The following ZSCAN18 variants were observed in gnomAD, a reference collection of about 807,000 sequenced individuals.
The protein encoded by ZSCAN18 is zinc finger and SCAN domain-containing protein 18.
A neutral mutation model predicts 31.1 loss-of-function variants in ZSCAN18; 16 were observed. That is an observed-to-expected ratio of 0.51 (90% confidence interval 0.35 to 0.78). ZSCAN18 has a LOEUF of 0.78. Among genes scored for constraint, ZSCAN18 ranks in the 30% least tolerant of loss-of-function variants. The pLI, the probability that ZSCAN18 is intolerant of heterozygous loss-of-function variation, is 0.01. For synonymous variants in ZSCAN18, 375 were observed against 320.7 expected (o/e 1.17, Z -1.81); for missense variants, 731 against 697.4 (o/e 1.05, Z -0.54).
At chr19:58,098,152 T>G (rs2074556944) in intron 1 of ZSCAN18, 22 bp downstream of exon 1, 1 of 985,416 alleles carries the variant, frequency 1.0e-6, no homozygotes, top group African/African-American at 1.7e-5. Context: ...ACCCCCGCGC[T>G]GCATCCCCGG....
At chr19:58,112,506 C>CCAGGTG (rs2074691822) in intron 1 of ZSCAN18, among the ~76,000 whole-genome samples, 1 of 151,956 alleles carries the variant, frequency 6.6e-6, no homozygotes, top group African/African-American at 2.4e-5. Context: ...AAAAAATTAG[C>CCAGGTG]TGGGCGTGCT....
intron 5 of ZSCAN18, 44 bp downstream of exon 5, chr19:58,086,862 G>A (rs373116234): frequency 8.7e-6 from 13 of 1,492,746 alleles, no homozygotes; most frequent in Non-Finnish European, 1.0e-5. Flanking sequence ...CCCTGCGGAA[G>A]GGGATGGGGA....
rs2074658691 is a variant in ZSCAN18 at position 58,109,113 on chromosome 19, T to A, written c.130+9154A>T. The A allele has an allele frequency of 6.5e-6, 8 of 1,228,046 alleles. No individual in the cohort carries two copies. In the South Asian group the frequency reaches 3.4e-4, roughly 52 times the overall value. 76.1% of individuals were successfully genotyped at this position (1,228,046 alleles called of 1,614,324 possible). A position where few individuals can be genotyped will look rare whatever the true frequency, so the allele number is the denominator to read the frequency against. ...GATGCTCTGGGTCCTTGTGTGTGGA[T>A]GCTGTTTGCCTCAAATGCACCTCTG... is the stretch of plus-strand genomic sequence containing the variant. On this transcript the variant is annotated intron_variant, in intron 1 of 1. Transcript: ENST00000595721.
At position 58,118,209 on chromosome 19, in the gene ZSCAN18, A is replaced by C. The variant is rs973816297; in HGVS notation, c.130+58T>G. 58 of 851,188 alleles carry C rather than the reference A, an allele frequency of 6.8e-5. No individual in the cohort carries two copies. In the African/African-American group the frequency reaches 9.5e-4, roughly 14 times the overall value. The allele number at this position is 851,188 out of a possible 1,614,324, so 52.7% of individuals were successfully genotyped here. On this transcript the variant is annotated intron_variant, in intron 1 of 1. Transcript: ENST00000595721. ...GGCTGCCGCGTACCCTCACAGACAG[A>C]AAGAGCGACCACGCAGCCACCGCCC... is the stretch of plus-strand genomic sequence containing the variant.
intron 1 of ZSCAN18, among the ~76,000 whole-genome samples, chr19:58,093,956 G>C (rs915218743): frequency 6.6e-6 from 1 of 151,740 alleles, no homozygotes; most frequent in Non-Finnish European, 1.5e-5. Context: ...GTACAGACGG[G>C]GTTTCACCAT....
intron 1 of ZSCAN18, chr19:58,092,717 T>C (rs1442945533): frequency 1.0e-6 from 1 of 982,848 alleles, no homozygotes; most frequent in Non-Finnish European, 1.2e-6. Context: ...TCCACTTACC[T>C]CAAGCAGAAC....
exon 1 of ZSCAN18, chr19:58,118,381 C>T: frequency 6.5e-7 from 1 of 1,530,922 alleles, no homozygotes; most frequent in Non-Finnish European, 8.8e-7. Flanking sequence ...TCAGCTCGCC[C>T]TCCGACTCTC....
intron 1 of ZSCAN18, among the ~76,000 whole-genome samples, chr19:58,097,711 TC>T (rs2074546321): frequency 2.2e-5 from 1 of 44,968 alleles, no homozygotes; most frequent in Non-Finnish European, 4.3e-5. Context: ...TTCAGGAGCC[TC>T]CCCCTCCCTT....
At chr19:58,114,575 C>CACAT (rs2074714993) in intron 1 of ZSCAN18, among the ~76,000 whole-genome samples, 2 of 152,056 alleles carry the variant, frequency 1.3e-5, no homozygotes, top group African/African-American at 4.8e-5. Context: ...ACACAATATA[C>CACAT]ACATACATAT....
At chr19:58,096,602 C>T (rs1391805825) in intron 1 of ZSCAN18, among the ~76,000 whole-genome samples, 1 of 152,194 alleles carries the variant, frequency 6.6e-6, no homozygotes, top group Non-Finnish European at 1.5e-5. Context: ...CTGGTTTGGC[C>T]CTCCGTGGGC....
intron 1 of ZSCAN18, among the ~76,000 whole-genome samples, chr19:58,107,036 T>C (rs2074640372): frequency 6.6e-6 from 1 of 151,786 alleles, no homozygotes; most frequent in African/African-American, 2.4e-5. Context: ...GTGCTGGGAT[T>C]ACAGGCGTGA....
In ZSCAN18 at chr19:58,084,504, G is replaced by A; in HGVS notation, c.*181C>T. 1 of 586,688 alleles carries A rather than the reference G, an allele frequency of 1.7e-6. No homozygotes were observed. Among genetic ancestry groups the A allele is most frequent in the Non-Finnish European group, 2.8e-6 (1 of 361,950 alleles). 36.3% of individuals were successfully genotyped at this position (586,688 alleles called of 1,614,324 possible). A position where few individuals can be genotyped will look rare whatever the true frequency, so the allele number is the denominator to read the frequency against. On this transcript the variant is annotated 3_prime_UTR_variant, in exon 7 of 7. Transcript: ENST00000601144. This position sits in a 1 kb window ranked among gnomAD's most constrained non-coding sequence, Gnocchi z 4.5. Reference sequence around the variant, plus strand: ...CCCAGGGTGTGTTTACAGAGGTGAGGGCTTCCCGTGGACCCTTCTCGTTGG... The same window carrying A: ...CCCAGGGTGTGTTTACAGAGGTGAGAGCTTCCCGTGGACCCTTCTCGTTGG...
At chr19:58,112,420 G>A (rs1035735645) in intron 1 of ZSCAN18, among the ~76,000 whole-genome samples, 2 of 152,130 alleles carry the variant, frequency 1.3e-5, no homozygotes, top group African/African-American at 4.8e-5. Flanking sequence ...GGAGGCCGAG[G>A]TGGGCGTATC....
rs933965520 is a variant in ZSCAN18 at position 58,111,871 on chromosome 19, G to T, written c.130+6396C>A. On this transcript the variant is annotated intron_variant, in intron 1 of 1. Transcript: ENST00000595721. ...AGGATTACACACCACGAGCAAGTAG[G>T]ACTGTTCATGGAATGCAAGGATATT... 9.9e-5 allele frequency among the ~76,000 whole-genome samples: 15 copies of T among 152,118 alleles called. No individual in the cohort carries two copies. In the East Asian group the frequency reaches 2.9e-3, roughly 29 times the overall value.
At chr19:58,104,913 A>G (rs295346) in intron 1 of ZSCAN18, among the ~76,000 whole-genome samples, 23,379 of 152,190 alleles carry the variant, frequency 0.15, 1,748 homozygotes, top group Admixed American at 0.19. Flanking sequence ...GTTTAAATGT[A>G]AAGAAAACAG....
At position 58,089,506 on chromosome 19, in the gene ZSCAN18, A is replaced by G. The variant is rs111883813; in HGVS notation, c.403+359T>C. 8.6e-3 allele frequency among the ~76,000 whole-genome samples: 1,231 copies of G among 143,796 alleles called. 19 individuals are homozygous for G. Among genetic ancestry groups the G allele is most frequent in the African/African-American group, 0.028 (1,091 of 38,650 alleles). 94.3% of individuals were successfully genotyped at this position (143,796 alleles called of 152,430 possible). On this transcript the variant is annotated intron_variant, in intron 2 of 6. Coordinates refer to ENST00000601144, the MANE Select transcript of ZSCAN18 (RefSeq NM_001145543.2). ...CTGGGCATCGTGGCAGGCGCCTGTA[A>G]TCCCAGCTACTTGGGAGGCTGAGGC... is the stretch of plus-strand genomic sequence containing the variant.
chr19:58,106,875 C>T (rs940850817), intron 1 of ZSCAN18, among the ~76,000 whole-genome samples: 1 of 151,858 alleles, frequency 6.6e-6, no homozygotes, highest in African/African-American at 2.4e-5. Flanking sequence ...ATTCTCCTGC[C>T]TCAGTCTCCT....
upstream of ZSCAN18, among the ~76,000 whole-genome samples, chr19:58,101,664 T>A (rs12984015): frequency 6.6e-6 from 1 of 151,260 alleles, no homozygotes; most frequent in South Asian, 2.1e-4. Flanking sequence ...GGATTACAGG[T>A]ATGTGCTACC....
intron 1 of ZSCAN18, among the ~76,000 whole-genome samples, chr19:58,117,404 G>C (rs1190432523): frequency 6.6e-6 from 1 of 152,106 alleles, no homozygotes; most frequent in Non-Finnish European, 1.5e-5. Flanking sequence ...AGTGGAGTCA[G>C]AACCCAGCAG....
Sources: allele counts gnomAD v4.1 joint callset (sites outside exome capture counted in the v4.1 genomes callset), GRCh38; gene constraint gnomAD v4.1.1; non-coding constraint Gnocchi (gnomAD v3.1); transcripts MANE v1.5; gene names NCBI Gene and HGNC (gene_info 2026-07-23, HGNC 2026-07-21).